ELOVL7: variants seen among roughly 807,000 people sequenced by gnomAD.
The protein encoded by ELOVL7 is very long chain fatty acid elongase 7.
Under a neutral mutation model 35.7 loss-of-function variants are expected in ELOVL7, and 27 were observed. The ratio of observed to expected loss-of-function variants is 0.76; its 90% confidence interval spans 0.56 to 1.04. ELOVL7 has a LOEUF of 1.04. Among genes scored for constraint, ELOVL7 ranks in the 50% least tolerant of loss-of-function variants. The pLI is 0.00. For synonymous variants in ELOVL7, 113 were observed against 114.6 expected, an observed-to-expected ratio of 0.99 and a Z score of 0.09; for missense variants, 327 against 340.8, an observed-to-expected ratio of 0.96 and a Z score of 0.32.
At chr5:60,783,554 A>G (rs17330744) in intron 3 of ELOVL7, among the ~76,000 whole-genome samples, 3,669 of 152,288 alleles carry the variant, frequency 0.024, 61 homozygotes, top group Admixed American at 0.055. Context: ...GACTCTGTTT[A>G]TGATCCCATT....
chr5:60,813,327 G>A (rs1337912727), intron 1 of ELOVL7, among the ~76,000 whole-genome samples: 2 of 152,154 alleles, frequency 1.3e-5, no homozygotes, highest in Admixed American at 6.5e-5. Context: ...GTTGACACGT[G>A]TATTACTATA....
intron 1 of ELOVL7, among the ~76,000 whole-genome samples, chr5:60,828,203 G>A (rs1056340857): frequency 6.6e-6 from 1 of 152,064 alleles, no homozygotes; most frequent in South Asian, 2.1e-4. Context: ...CCCTCACCTC[G>A]CACTCTGATT....
chr5:60,775,695 A>G (rs1408404768), intron 3 of ELOVL7, among the ~76,000 whole-genome samples: 1 of 152,144 alleles, frequency 6.6e-6, no homozygotes, highest in Non-Finnish European at 1.5e-5. Context: ...ACCAACTGAT[A>G]TTCAACAAAG....
chr5:60,810,361 G>C (rs1044883203), intron 1 of ELOVL7, among the ~76,000 whole-genome samples: 1 of 152,190 alleles, frequency 6.6e-6, no homozygotes, highest in African/African-American at 2.4e-5. Context: ...TGAAGGGAAA[G>C]GGAGATGATG....
intron 3 of ELOVL7, among the ~76,000 whole-genome samples, chr5:60,786,698 G>A (rs1189342492): frequency 1.3e-5 from 2 of 152,088 alleles, no homozygotes; most frequent in Non-Finnish European, 2.9e-5. Context: ...TGTAATCCCA[G>A]CACTTTGGGA....
intron 1 of ELOVL7, among the ~76,000 whole-genome samples, chr5:60,837,932 G>C (rs1014476425): frequency 6.6e-6 from 1 of 152,056 alleles, no homozygotes; most frequent in African/African-American, 2.4e-5. Context: ...GCAAAACTCT[G>C]TCTCAAAAAA....
intron 1 of ELOVL7, among the ~76,000 whole-genome samples, chr5:60,828,038 G>A (rs1033432029): frequency 6.6e-6 from 1 of 151,960 alleles, no homozygotes; most frequent in African/African-American, 2.4e-5. Flanking sequence ...TCCCCTAACA[G>A]TGTGTCGAGG....
chr5:60,804,298 G>T (rs1744807058), intron 1 of ELOVL7, among the ~76,000 whole-genome samples: 1 of 152,144 alleles, frequency 6.6e-6, no homozygotes, highest in African/African-American at 2.4e-5. Flanking sequence ...TATCCTTCTG[G>T]AGTCTCTGGT....
At chr5:60,765,787 T>C (rs1241348740) in intron 6 of ELOVL7, among the ~76,000 whole-genome samples, 1 of 152,198 alleles carries the variant, frequency 6.6e-6, no homozygotes, top group African/African-American at 2.4e-5. Flanking sequence ...TTTCAAAAGG[T>C]GAAGCATATT....
At chr5:60,826,819 T>C (rs973693837) in intron 1 of ELOVL7, among the ~76,000 whole-genome samples, 11 of 152,194 alleles carry the variant, frequency 7.2e-5, no homozygotes, top group African/African-American at 2.7e-4. Context: ...CTTTGGGACA[T>C]TGTTTTCTCT....
intron 1 of ELOVL7, among the ~76,000 whole-genome samples, chr5:60,823,295 G>A (rs1745990727): frequency 6.6e-6 from 1 of 152,030 alleles, no homozygotes; most frequent in South Asian, 2.1e-4. Flanking sequence ...TGAAATAGAT[G>A]AGTTAGTAAA....
chr5:60,842,093 T>C (rs1372132000), intron 1 of ELOVL7, among the ~76,000 whole-genome samples: 2 of 152,206 alleles, frequency 1.3e-5, no homozygotes, highest in African/African-American at 2.4e-5. Flanking sequence ...CCTAAGCTGT[T>C]TGCAATCTTT....
chr5:60,788,694 G>A (rs576077901), intron 2 of ELOVL7, among the ~76,000 whole-genome samples: 1 of 152,056 alleles, frequency 6.6e-6, no homozygotes, highest in South Asian at 2.1e-4. Flanking sequence ...AAAATTGCTC[G>A]AACCCAGGAG....
intron 2 of ELOVL7, among the ~76,000 whole-genome samples, chr5:60,797,217 T>C (rs1744316184): frequency 2.6e-5 from 4 of 152,338 alleles, no homozygotes; most frequent in African/African-American, 9.6e-5. Context: ...AATATATACA[T>C]ACTATACACA....
chr5:60,765,703 T>A (rs1223501739), intron 6 of ELOVL7, among the ~76,000 whole-genome samples: 4 of 152,200 alleles, frequency 2.6e-5, no homozygotes, highest in Non-Finnish European at 5.9e-5. Context: ...TCTAAATGCA[T>A]GTTAAAGTTC....
intron 4 of ELOVL7, among the ~76,000 whole-genome samples, chr5:60,770,137 A>C (rs1327151638): frequency 6.6e-6 from 1 of 152,298 alleles, no homozygotes; most frequent in East Asian, 1.9e-4. Flanking sequence ...ACACATAAGT[A>C]ACTCAAGTAT....
At chr5:60,834,499 C>T (rs556348218) in intron 1 of ELOVL7, among the ~76,000 whole-genome samples, 2 of 152,104 alleles carry the variant, frequency 1.3e-5, no homozygotes, top group African/African-American at 4.8e-5. Flanking sequence ...TAATGAAAGC[C>T]CAATTTAAAA....
At chr5:60,784,274 C>A in intron 3 of ELOVL7, 2 of 567,326 alleles carry the variant, frequency 3.5e-6, no homozygotes, top group Non-Finnish European at 5.9e-6. Context: ...TTCAGAATGG[C>A]AGCAATCTTA....
In ELOVL7 at chr5:60,772,060, G is replaced by A. The variant is rs755383949; in HGVS notation, c.98C>T (p.Ser33Leu). Residue 33 changes from serine (S) to leucine (L), a missense_variant, in exon 4 of 9, where the codon TCG (serine) becomes TTG (leucine). Physicochemically the swap from Ser to Leu is moderately radical, Grantham distance 145. Transcript: ENST00000508821. ...TAGGAGGATGGTTTGTGGCAGAGGC[G>A]AGGACATGAGGAGCCAATCTTCAAC... ...PRVEDWLLMSSPLPQTILLGF... is the reference protein window; with the variant it reads ...PRVEDWLLMSLPLPQTILLGF... The A allele has an allele frequency of 1.7e-5, 28 of 1,611,502 alleles. No homozygotes were observed. The highest frequency in any genetic ancestry group is 6.7e-5 in the African/African-American group (5 of 74,780).
Sources: allele counts gnomAD v4.1 joint callset (sites outside exome capture counted in the v4.1 genomes callset), GRCh38; gene constraint gnomAD v4.1.1; transcripts MANE v1.5; gene names NCBI Gene and HGNC (gene_info 2026-07-23, HGNC 2026-07-21).